DPP6: variants seen among roughly 807,000 people sequenced by gnomAD.
The protein encoded by DPP6 is dipeptidyl peptidase like 6.
In DPP6, 69 loss-of-function variants were observed where a neutral mutation model predicts 122.6. The observed-to-expected ratio is 0.56, with a 90% confidence interval of 0.46 to 0.69. DPP6 has a LOEUF of 0.69. Ranked by LOEUF, DPP6 falls within the 30% of genes least tolerant of loss-of-function variation. DPP6 has a pLI of 0.00. For missense variants in DPP6, 928 were observed against 1,116.9 expected (o/e 0.83, Z 2.41); for synonymous variants, 418 against 433.1 (o/e 0.97, Z 0.43).
chr7:154,476,367 C>A (rs1160261054), intron 3 of DPP6, among the ~76,000 whole-genome samples: 1 of 152,182 alleles, frequency 6.6e-6, no homozygotes, highest in Non-Finnish European at 1.5e-5. Context: ...CCTTTGTTTT[C>A]GGCTGACCTG....
the DPP6 span, among the ~76,000 whole-genome samples, chr7:153,768,267 A>AAAGAAAAAGG: frequency 7.0e-6 from 1 of 143,464 alleles, no homozygotes; most frequent in Non-Finnish European, 1.5e-5. Context: ...AAAGAAAAAG[A>AAAGAAAAAGG]AAAAGGTTTA....
At chr7:154,449,547 A>G (rs986768865) in intron 2 of DPP6, among the ~76,000 whole-genome samples, 1 of 152,314 alleles carries the variant, frequency 6.6e-6, no homozygotes, top group South Asian at 2.1e-4. Flanking sequence ...AAAGTTAAAC[A>G]CAGAGTTACC....
At chr7:154,383,898 A>AAC in intron 1 of DPP6, among the ~76,000 whole-genome samples, 1 of 151,466 alleles carries the variant, frequency 6.6e-6, no homozygotes. Context: ...TCCAAAAAAA[A>AAC]AAAAAAAAAA....
chr7:154,164,307 T>G (rs905888204), intron 1 of DPP6, among the ~76,000 whole-genome samples: 2 of 147,808 alleles, frequency 1.4e-5, no homozygotes, highest in Non-Finnish European at 3.0e-5. Context: ...ATTAAGACAT[T>G]GAACATTCTG....
At chr7:154,387,762 G>A (rs1054556505) in intron 1 of DPP6, among the ~76,000 whole-genome samples, 1 of 152,098 alleles carries the variant, frequency 6.6e-6, no homozygotes, top group Non-Finnish European at 1.5e-5. Context: ...CTAATCCCAC[G>A]TTCTTCACCC....
At chr7:154,831,029 C>T (rs113912880) in intron 16 of DPP6, among the ~76,000 whole-genome samples, 61 of 152,346 alleles carry the variant, frequency 4.0e-4, no homozygotes, top group African/African-American at 1.4e-3. Flanking sequence ...TCACCGTCCA[C>T]GCCCAGGTGA....
intron 16 of DPP6, among the ~76,000 whole-genome samples, chr7:154,826,474 G>A (rs918592183): frequency 3.3e-5 from 5 of 151,956 alleles, no homozygotes; most frequent in South Asian, 2.1e-4. Context: ...ATTATTTTAC[G>A]GACTCATGGA....
At chr7:153,904,688 C>T (rs1040048819) in intron 1 of DPP6, among the ~76,000 whole-genome samples, 5 of 152,194 alleles carry the variant, frequency 3.3e-5, no homozygotes, top group African/African-American at 9.6e-5. Flanking sequence ...ATAGTCCTCG[C>T]CTTCCTTCTT....
chr7:153,946,234 G>C (rs1423964853), intron 1 of DPP6, among the ~76,000 whole-genome samples: 1 of 152,178 alleles, frequency 6.6e-6, no homozygotes, highest in Admixed American at 6.5e-5. Context: ...TGGCTACTCC[G>C]TAGGCAGAGC....
At chr7:154,338,485 C>T (rs1027065428) in intron 1 of DPP6, among the ~76,000 whole-genome samples, 9 of 152,108 alleles carry the variant, frequency 5.9e-5, no homozygotes, top group African/African-American at 2.2e-4. Flanking sequence ...TACTTAACAG[C>T]ATGCAAATGA....
intron 1 of DPP6, among the ~76,000 whole-genome samples, chr7:153,964,357 T>A (rs2129029618): frequency 6.6e-6 from 1 of 152,296 alleles, no homozygotes; most frequent in Non-Finnish European, 1.5e-5. Flanking sequence ...GTAATGCATT[T>A]TCTGGAAAAC....
At position 154,208,576 on chromosome 7, in the gene DPP6, C is replaced by T. The variant is rs1799577296; in HGVS notation, c.243+155513C>T. Among the ~76,000 whole-genome samples, 3 of 152,336 alleles carry T rather than the reference C, an allele frequency of 2.0e-5. No homozygotes were observed. The South Asian group carries it at 6.2e-4, about 32-fold the overall frequency. ...ATAATTTGCAGAATTGATCGGCTGA[C>T]TTAAAAGCTTGAATCCCCAACAAAA... On this transcript the variant is annotated intron_variant, in intron 1 of 25. Coordinates refer to ENST00000377770, the MANE Select transcript of DPP6 (RefSeq NM_130797.4).
the DPP6 span, among the ~76,000 whole-genome samples, chr7:153,840,542 T>C: frequency 3.9e-5 from 6 of 152,236 alleles, no homozygotes; most frequent in East Asian, 9.7e-4. Context: ...TAATAATTAA[T>C]ACTTATTCAC....
chr7:153,860,327 G>C, the DPP6 span, among the ~76,000 whole-genome samples: 519 of 152,262 alleles, frequency 3.4e-3, 2 homozygotes, highest in African/African-American at 0.012. Context: ...ACCCTGCTCA[G>C]TGCCCCAGGA....
At chr7:154,153,331 A>G (rs4078175) in intron 1 of DPP6, among the ~76,000 whole-genome samples, 11,668 of 152,120 alleles carry the variant, frequency 0.077, 452 homozygotes, top group Middle Eastern at 0.14. Flanking sequence ...GATTACAGGC[A>G]TGCACCACCA....
chr7:153,785,650 CT>C, the DPP6 span, among the ~76,000 whole-genome samples: 1 of 151,932 alleles, frequency 6.6e-6, no homozygotes, highest in Admixed American at 6.6e-5. Context: ...TATATATATA[CT>C]TTTTTTTCTG....
At chr7:154,677,433 T>C (rs1476557070) in intron 7 of DPP6, among the ~76,000 whole-genome samples, 1 of 152,140 alleles carries the variant, frequency 6.6e-6, no homozygotes, top group Non-Finnish European at 1.5e-5. Flanking sequence ...GGCATTGGGG[T>C]TTTTGCCTTC....
intron 1 of DPP6, among the ~76,000 whole-genome samples, chr7:154,018,467 A>G (rs1798536614): frequency 6.6e-6 from 1 of 152,130 alleles, no homozygotes; most frequent in Non-Finnish European, 1.5e-5. Flanking sequence ...TTTCCCCTGT[A>G]TGAGTTGAAG....
intron 1 of DPP6, among the ~76,000 whole-genome samples, chr7:154,159,267 C>T (rs1796853832): frequency 6.6e-6 from 1 of 152,212 alleles, no homozygotes; most frequent in Non-Finnish European, 1.5e-5. Flanking sequence ...ACTTCGGTTC[C>T]TGTTTCTTCA....
Sources: allele counts gnomAD v4.1 joint callset (sites outside exome capture counted in the v4.1 genomes callset), GRCh38; gene constraint gnomAD v4.1.1; transcripts MANE v1.5; gene names NCBI Gene and HGNC (gene_info 2026-07-23, HGNC 2026-07-21).